Variants in ACACA observed in about 807,000 individuals in gnomAD.
The protein encoded by ACACA is acetyl-CoA carboxylase 1.
Under a neutral mutation model 296.1 loss-of-function variants are expected in ACACA, and 103 were observed. The ratio of observed to expected loss-of-function variants is 0.35; its 90% CI spans 0.30 to 0.41. The LOEUF is 0.41. ACACA is among the 10% of genes least tolerant of loss of function. ACACA has a pLI of 1.00. For synonymous variants in ACACA, 953 were observed against 1,038.6 expected (o/e 0.92, Z 1.58); for missense variants, 1,554 against 2,989.7 (o/e 0.52, Z 11.20).
rs150134714 is a variant in ACACA at position 37,242,960 on chromosome 17, G to A, written c.2931+411C>T. Among the ~76,000 whole-genome samples, 1,095 of 151,886 alleles carry A rather than the reference G, an allele frequency of 7.2e-3. 24 individuals are homozygous for A. The highest frequency in any genetic ancestry group is 0.048 in the Admixed American group (738 of 15,268). ...TGAGGCAGGAGAATTGCTTGAACTCGGGAGGCAGGGGTTGCAGTGAGCCGA... is the reference window on the plus strand; with the variant it reads ...TGAGGCAGGAGAATTGCTTGAACTCAGGAGGCAGGGGTTGCAGTGAGCCGA... On this transcript the variant is annotated intron_variant, in intron 22 of 55. Coordinates refer to ENST00000616317, the MANE Select transcript of ACACA (RefSeq NM_198834.3).
At chr17:37,156,290 C>T (rs1342367238) in intron 42 of ACACA, among the ~76,000 whole-genome samples, 2 of 152,024 alleles carry the variant, frequency 1.3e-5, no homozygotes, top group African/African-American at 4.8e-5. Context: ...GTCTCAATCT[C>T]CTGACCTCGT....
chr17:37,180,287 C>G (rs1002231000), intron 40 of ACACA, among the ~76,000 whole-genome samples: 2 of 152,124 alleles, frequency 1.3e-5, no homozygotes, highest in Non-Finnish European at 2.9e-5. Flanking sequence ...AAGGGAAATA[C>G]CGAATGAAGG....
chr17:37,188,376 A>G lies in ACACA; in HGVS notation c.4677T>C (p.Thr1559=). ...ELKINIRLTP[T]GKAIPIRLFL... Reference sequence around the variant, plus strand: ...AGAGGCGGATGGGAATTGCTTTTCCAGTTGGCGTCAGGCGAATGTTGATTT... The same window carrying G: ...AGAGGCGGATGGGAATTGCTTTTCCGGTTGGCGTCAGGCGAATGTTGATTT... The change falls in exon 39 of 56, where the codon ACT becomes ACC. Residue 1559 remains threonine (T), a synonymous_variant. Coordinates refer to ENST00000616317, the MANE Select transcript of ACACA (RefSeq NM_198834.3). 6.2e-7 allele frequency: 1 copy of G among 1,614,162 alleles called. No individual in the cohort carries two copies. The highest frequency in any genetic ancestry group is 1.1e-5 in the South Asian group (1 of 91,082).
At chr17:37,245,543 A>T (rs1226201111) in intron 19 of ACACA, among the ~76,000 whole-genome samples, 1 of 152,240 alleles carries the variant, frequency 6.6e-6, no homozygotes, top group Admixed American at 6.5e-5. Context: ...CCAATCTAAG[A>T]CAACCAGGCC....
intron 39 of ACACA, among the ~76,000 whole-genome samples, chr17:37,183,789 C>T (rs2077416256): frequency 1.4e-5 from 2 of 145,838 alleles, no homozygotes; most frequent in East Asian, 4.0e-4. Context: ...GAGACTCCAT[C>T]TCAAAAGGAA....
chr17:37,326,842 A>C (rs1347970313), intron 3 of ACACA, among the ~76,000 whole-genome samples: 1 of 152,104 alleles, frequency 6.6e-6, no homozygotes, highest in Non-Finnish European at 1.5e-5. Context: ...AAAAAAAAGA[A>C]AGAAAGAAAA....
chr17:37,222,123 GT>G (rs2079323166), intron 28 of ACACA: 1 of 455,564 alleles, frequency 2.2e-6, no homozygotes, highest in Non-Finnish European at 4.0e-6. Flanking sequence ...CCTGGAGAAG[GT>G]TTAATCTTTA....
rs2083040858 is a variant in ACACA at position 37,291,167 on chromosome 17, C to CAT, written c.339-6199_339-6198dup. ...ATACACACACACACACACACACACACATCTCATAATATTTGTTTTTGTTTT... is the reference window on the plus strand; with the variant it reads ...ATACACACACACACACACACACACACATATCTCATAATATTTGTTTTTGTTTT... On this transcript the variant is annotated intron_variant, in intron 3 of 55. Transcript: ENST00000616317. Among the ~76,000 whole-genome samples, 3 of 61,684 alleles carry CAT rather than the reference C, an allele frequency of 4.9e-5. No homozygotes were observed. The Admixed American group carries it at 6.7e-4, about 14-fold the overall frequency. 40.5% of individuals were successfully genotyped at this position (61,684 alleles called of 152,430 possible). A position where few individuals can be genotyped will look rare whatever the true frequency, so the allele number is the denominator to read the frequency against.
chr17:37,285,720 G>C, intron 3 of ACACA, among the ~76,000 whole-genome samples: 1 of 130,154 alleles, frequency 7.7e-6, no homozygotes. Context: ...TGGGGGGTGG[G>C]GGGCGCAGCT....
At chr17:37,301,649 T>C (rs1039953411) in intron 3 of ACACA, among the ~76,000 whole-genome samples, 2 of 152,248 alleles carry the variant, frequency 1.3e-5, no homozygotes, top group African/African-American at 2.4e-5. Context: ...CTCTAAATTC[T>C]GATCCATTGA....
intron 45 of ACACA, among the ~76,000 whole-genome samples, chr17:37,138,817 T>C (rs10512478): frequency 0.01 from 1,576 of 152,358 alleles, 23 homozygotes; most frequent in African/African-American, 0.036. Flanking sequence ...GCATGATATA[T>C]TTCAAGCTCT....
intron 54 of ACACA, among the ~76,000 whole-genome samples, chr17:37,094,583 C>CCA (rs2072867252): frequency 7.0e-6 from 1 of 142,068 alleles, no homozygotes; most frequent in African/African-American, 2.5e-5. Context: ...CCCCCCCCCC[C>CCA]CCACACCAAA....
At chr17:37,253,130 G>A (rs1438805756) in intron 14 of ACACA, 94 bp from the exon 15 acceptor site, 7 of 1,564,414 alleles carry the variant, frequency 4.5e-6, no homozygotes, top group East Asian at 2.3e-5. Flanking sequence ...GGTGGCTCAC[G>A]CCTGTAATCC....
At chr17:37,213,884 T>C in intron 29 of ACACA, among the ~76,000 whole-genome samples, 1 of 152,166 alleles carries the variant, frequency 6.6e-6, no homozygotes, top group East Asian at 1.9e-4. Flanking sequence ...TGTGAGCCTT[T>C]TTACCATCCC....
At position 37,297,464 on chromosome 17, in the gene ACACA, C is replaced by T. The variant is rs1473982622; in HGVS notation, c.339-12494G>A. On this transcript the variant is annotated intron_variant, in intron 3 of 55. Coordinates refer to ENST00000616317, the MANE Select transcript of ACACA (RefSeq NM_198834.3). ...CTCGAAAGAAAAAAAAAAAAAACCACACACACATGCGTGTGTGTACATATA... is the reference window on the plus strand; with the variant it reads ...CTCGAAAGAAAAAAAAAAAAAACCATACACACATGCGTGTGTGTACATATA... Among the ~76,000 whole-genome samples the T allele has an allele frequency of 5.4e-5, 8 of 148,458 alleles. No individual in the cohort carries two copies. The East Asian group carries it at 1.6e-3, about 29-fold the overall frequency.
Position 37,097,847 on chromosome 17 carries a change from C to T in ACACA, c.6703G>A (p.Glu2235Lys). ...DLHDTPGRMQEKGVISDILDW... is the reference protein window; with the variant it reads ...DLHDTPGRMQKKGVISDILDW... Reference sequence around the variant, plus strand: ...GTACTTACGCTAATAACACCCTTCTCCTGCATCCGGCCTGGTGTGTCGTGC... The same window carrying T: ...GTACTTACGCTAATAACACCCTTCTTCTGCATCCGGCCTGGTGTGTCGTGC... Residue 2235 changes from glutamate (E) to lysine (K), a missense_variant, in exon 53 of 56, where the codon GAG (glutamate) becomes AAG (lysine). Around this residue, in one of 16 missense-constraint regions of ACACA, gnomAD observed 553 missense variants for 1,043.6 expected, o/e 0.53. Transcript: ENST00000616317. This position sits in a 1 kb window ranked among gnomAD's most constrained non-coding sequence, Gnocchi z 4.8. 1 of 1,614,220 alleles carries T rather than the reference C, an allele frequency of 6.2e-7. No homozygotes were observed. Among genetic ancestry groups the T allele is most frequent in the Non-Finnish European group, 8.5e-7 (1 of 1,180,044 alleles).
At chr17:37,364,547 G>T (rs2049535348) in intron 1 of ACACA, among the ~76,000 whole-genome samples, 1 of 148,262 alleles carries the variant, frequency 6.7e-6, no homozygotes, top group South Asian at 2.1e-4. Flanking sequence ...TGAGCCAACA[G>T]GCCACTGCAC....
chr17:37,295,902 G>A (rs1234135740), intron 3 of ACACA, among the ~76,000 whole-genome samples: 1 of 151,940 alleles, frequency 6.6e-6, no homozygotes, highest in Admixed American at 6.6e-5. Flanking sequence ...TCCAGCCTGG[G>A]CTAAAGGGCG....
intron 3 of ACACA, among the ~76,000 whole-genome samples, chr17:37,325,801 T>G (rs1020566611): frequency 6.6e-6 from 1 of 151,926 alleles, no homozygotes; most frequent in Non-Finnish European, 1.5e-5. Context: ...CTTGAACTGC[T>G]GACTTCAGGT....
Sources: gnomAD v4.1 joint callset for allele counts (sites outside exome capture counted in the v4.1 genomes callset) on GRCh38, gnomAD v4.1.1 for gene constraint, gnomAD v4.1.1 regional missense constraint, Gnocchi (gnomAD v3.1) non-coding constraint, MANE v1.5 for transcripts, NCBI Gene and HGNC (gene_info 2026-07-23, HGNC 2026-07-21) for gene names.